MSH3: variants seen among roughly 807,000 people sequenced by gnomAD.
MSH3 encodes mutS homolog 3, also known as DNA mismatch repair protein Msh3.
Under a neutral mutation model 123.3 loss-of-function variants are expected in MSH3, and 106 were observed. That is an observed-to-expected ratio of 0.86 (90% CI 0.73 to 1.01). The LOEUF is 1.01. MSH3 is among the 50% of genes least tolerant of loss of function. MSH3 has a pLI of 0.00. For synonymous variants in MSH3, 515 were observed against 481.4 expected, an observed-to-expected ratio of 1.07 and a Z score of -0.91; for missense variants, 1,459 against 1,347.6, an observed-to-expected ratio of 1.08 and a Z score of -1.29.
intron 19 of MSH3, among the ~76,000 whole-genome samples, chr5:80,796,845 T>C (rs1744707075): frequency 6.6e-6 from 1 of 151,884 alleles, no homozygotes; most frequent in Non-Finnish European, 1.5e-5. Context: ...CCGCTGGAGC[T>C]CCCTCCTCCA....
intron 8 of MSH3, among the ~76,000 whole-genome samples, chr5:80,686,738 A>G (rs1013055187): frequency 2.0e-5 from 3 of 151,846 alleles, no homozygotes; most frequent in African/African-American, 7.3e-5. Flanking sequence ...AAACACTGGT[A>G]AGTAGTTTCT....
At chr5:80,746,499 TA>T in intron 12 of MSH3, 1 of 501,300 alleles carries the variant, frequency 2.0e-6, no homozygotes. Context: ...CTTTGATGTC[TA>T]AGTAGTTTGC....
At chr5:80,769,060 T>C in intron 15 of MSH3, 57 bp downstream of exon 15, 2 of 1,481,088 alleles carry the variant, frequency 1.4e-6, no homozygotes, top group South Asian at 2.3e-5. Context: ...AAAAGCTATT[T>C]TAAAATGTAA....
At chr5:80,668,155 G>T (rs930835691) in intron 3 of MSH3, among the ~76,000 whole-genome samples, 1 of 152,166 alleles carries the variant, frequency 6.6e-6, no homozygotes, top group East Asian at 1.9e-4. Flanking sequence ...GCTCCTCTCC[G>T]CAGGCAGGTT....
chr5:80,791,508 A>G (rs768696522), intron 18 of MSH3, among the ~76,000 whole-genome samples: 6 of 152,160 alleles, frequency 3.9e-5, no homozygotes, highest in Non-Finnish European at 7.4e-5. Flanking sequence ...TGTCTTACCC[A>G]TTTCAGATAT....
At chr5:80,692,553 G>GTATATGTTTAGAT (rs1750315677) in intron 8 of MSH3, among the ~76,000 whole-genome samples, 3 of 73,774 alleles carry the variant, frequency 4.1e-5, no homozygotes, top group South Asian at 4.4e-4. Flanking sequence ...TTTATATAGA[G>GTATATGTTTAGAT]AGATAAACAT....
intron 16 of MSH3, among the ~76,000 whole-genome samples, chr5:80,776,542 A>G (rs1744302242): frequency 6.6e-6 from 1 of 152,142 alleles, no homozygotes; most frequent in Admixed American, 6.5e-5. Flanking sequence ...AACCCAGATC[A>G]TGAATTGATG....
intron 19 of MSH3, among the ~76,000 whole-genome samples, chr5:80,803,938 A>G (rs796854163): frequency 2.8e-4 from 43 of 152,274 alleles, no homozygotes; most frequent in African/African-American, 1.0e-3. Context: ...TGCCAGTACC[A>G]TGCTGTTTTG....
At chr5:80,729,442 GTGTGTGTGTGTGTGTGTGTATA>G (rs1743369502) in intron 10 of MSH3, among the ~76,000 whole-genome samples, 1 of 133,484 alleles carries the variant, frequency 7.5e-6, no homozygotes, top group African/African-American at 2.8e-5. Context: ...GTGTGTGTGT[GTGTGTGTGTGTGTGTGTGTATA>G]TATATATATA....
At chr5:80,799,402 A>G (rs568450997) in intron 19 of MSH3, among the ~76,000 whole-genome samples, 85 of 151,440 alleles carry the variant, frequency 5.6e-4, no homozygotes, top group Non-Finnish European at 1.2e-3. Context: ...GAAACTACCA[A>G]ACTTTTTCAG....
At chr5:80,845,485 C>T (rs957715032) in intron 20 of MSH3, among the ~76,000 whole-genome samples, 1 of 152,168 alleles carries the variant, frequency 6.6e-6, no homozygotes, top group Non-Finnish European at 1.5e-5. Flanking sequence ...AGATAATATC[C>T]TGAAGAGTGT....
chr5:80,741,104 C>T (rs1343318192), intron 10 of MSH3, among the ~76,000 whole-genome samples: 1 of 152,178 alleles, frequency 6.6e-6, no homozygotes, highest in African/African-American at 2.4e-5. Context: ...ATTTTTCTAG[C>T]TGATTACACA....
At chr5:80,866,123 A>C (rs1746094390) in intron 22 of MSH3, among the ~76,000 whole-genome samples, 1 of 152,106 alleles carries the variant, frequency 6.6e-6, no homozygotes, top group Admixed American at 6.6e-5. Context: ...TGTTCTGTGC[A>C]TTTTATTTTA....
At chr5:80,805,740 A>G (rs538121167) in intron 19 of MSH3, among the ~76,000 whole-genome samples, 1 of 151,996 alleles carries the variant, frequency 6.6e-6, no homozygotes, top group South Asian at 2.1e-4. Flanking sequence ...AACTACAGGC[A>G]TGCGCCACCA....
chr5:80,698,053 G>A (rs6151686), intron 8 of MSH3, among the ~76,000 whole-genome samples: 2,607 of 152,032 alleles, frequency 0.017, 28 homozygotes, highest in South Asian at 0.045. Flanking sequence ...GACTGCAGGT[G>A]TGCTCAACCA....
chr5:80,716,744 T>A (rs185898474), intron 8 of MSH3, among the ~76,000 whole-genome samples: 12 of 152,348 alleles, frequency 7.9e-5, no homozygotes, highest in African/African-American at 2.9e-4. Flanking sequence ...ATTTAATATC[T>A]TCTAGCTATT....
chr5:80,723,574 A>T lies in MSH3; in HGVS notation c.1341-1879A>T, dbSNP rs1319239367. ...AAATACTTAGCTGCTGTTAAAATGT[A>T]AAAAGCACATGTATCTTCATGTATA... On this transcript the variant is annotated intron_variant, in intron 8 of 23. Coordinates refer to ENST00000265081, the MANE Select transcript of MSH3 (RefSeq NM_002439.5). Among the ~76,000 whole-genome samples, 4 of 152,204 alleles carry T rather than the reference A, an allele frequency of 2.6e-5. No individual in the cohort carries two copies. The East Asian group carries it at 7.7e-4, about 29-fold the overall frequency.
chr5:80,672,414 A>T, intron 5 of MSH3, 54 bp downstream of exon 5: 1 of 1,320,290 alleles, frequency 7.6e-7, no homozygotes, highest in South Asian at 1.2e-5. Flanking sequence ...TCCTCCAGAG[A>T]GTGCAAACGT....
chr5:80,842,131 C>G (rs1467644501), intron 20 of MSH3, among the ~76,000 whole-genome samples: 2 of 152,168 alleles, frequency 1.3e-5, no homozygotes, highest in Non-Finnish European at 2.9e-5. Context: ...TATGGCTAGC[C>G]AGTTTTCCCA....
Sources: allele counts gnomAD v4.1 joint callset (sites outside exome capture counted in the v4.1 genomes callset), GRCh38; gene constraint gnomAD v4.1.1; transcripts MANE v1.5; gene names NCBI Gene and HGNC (gene_info 2026-07-23, HGNC 2026-07-21).